The following DUS2 variants were observed in gnomAD, a reference collection of about 807,000 sequenced individuals.
DUS2 encodes tRNA-dihydrouridine(20) synthase [NAD(P)+]-like.
Under a neutral mutation model 71.3 loss-of-function variants are expected in DUS2, and 52 were observed. The ratio of observed to expected loss-of-function variants is 0.73; its 90% CI spans 0.58 to 0.92. DUS2 has a LOEUF of 0.92. Ranked by LOEUF, DUS2 falls within the 40% of genes least tolerant of loss-of-function variation. The probability of loss-of-function intolerance (pLI) is 0.00; values close to 1 mark genes in which losing one functional copy is unlikely to be tolerated. For synonymous variants in DUS2, 204 were observed against 227.8 expected, an observed-to-expected ratio of 0.90 and a Z score of 0.94; for missense variants, 558 against 622.6, an observed-to-expected ratio of 0.90 and a Z score of 1.10.
chr16:68,033,523 C>CA (rs1252902432), intron 2 of DUS2, among the ~76,000 whole-genome samples: 2 of 151,712 alleles, frequency 1.3e-5, no homozygotes, highest in Non-Finnish European at 2.9e-5. Context: ...CTTGCTCTGT[C>CA]ACCCAGGTTG....
In DUS2 at chr16:68,038,086, G is replaced by A. The variant is rs868001273; in HGVS notation, c.63G>A (p.Arg21=). The change falls in exon 3 of 17, where the codon CGG becomes CGA. Residue 21 remains arginine (R), a synonymous_variant. Transcript: ENST00000565263. ...HNKLILAPMV[R]VGTLPMRLLA... ...AGCTAATCCTGGCCCCAATGGTTCG[G>A]GTAGGGACTCTTCCAATGAGGCTGC... 1.2e-6 allele frequency: 2 copies of A among 1,613,882 alleles called. No individual in the cohort carries two copies. The highest frequency in any genetic ancestry group is 1.1e-5 in the South Asian group (1 of 91,068).
chr16:68,061,179 G>A (rs369910078), intron 8 of DUS2, 66 bp downstream of exon 8: 324 of 1,513,104 alleles, frequency 2.1e-4, no homozygotes, highest in Admixed American at 3.2e-4. Context: ...TGTCTAGAAC[G>A]CCTCCTTCCA....
chr16:68,066,382 G>C lies in DUS2; in HGVS notation c.483G>C (p.Ser161=). The C allele has an allele frequency of 6.2e-7, 1 of 1,612,940 alleles. No homozygotes were observed. The highest frequency in any genetic ancestry group is 8.5e-7 in the Non-Finnish European group (1 of 1,178,896). Residue 161 remains serine (S), a splice_region_variant and synonymous_variant, in exon 9 of 17, where the codon TCG becomes TCC. Transcript: ENST00000565263. ...CCTGCAAGATTCGCATCCTGCCATCGGTAAGGATGGTGTGTTACATATGAA... is the reference window on the plus strand; with the variant it reads ...CCTGCAAGATTCGCATCCTGCCATCCGTAAGGATGGTGTGTTACATATGAA... The part of the protein sequence containing the change: ...PVTCKIRILP[S]LEDTLSLVKR...
At chr16:68,034,902 G>A (rs1281494529) in intron 2 of DUS2, among the ~76,000 whole-genome samples, 1 of 152,180 alleles carries the variant, frequency 6.6e-6, no homozygotes, top group Non-Finnish European at 1.5e-5. Context: ...TCGGGAGGCT[G>A]AGGCAGAAGA....
chr16:68,034,153 C>T (rs1215627803), intron 2 of DUS2, among the ~76,000 whole-genome samples: 1 of 152,150 alleles, frequency 6.6e-6, no homozygotes, highest in African/African-American at 2.4e-5. Flanking sequence ...TCGGCAACCT[C>T]TGCCTCCCAG....
At position 68,066,204 on chromosome 16, in the gene DUS2, T is replaced by A. The variant is rs534042178; in HGVS notation, c.418-113T>A. ...AGACACACACATGCATTCACACATA[T>A]GCAAACTGTTCATGCCACCGGAATG... On this transcript the variant is annotated intron_variant, in intron 8 of 16. Coordinates refer to ENST00000565263, the MANE Select transcript of DUS2 (RefSeq NM_017803.5). The A allele has an allele frequency of 2.4e-5, 23 of 944,352 alleles. No individual in the cohort carries two copies. In the East Asian group the frequency reaches 5.0e-4, roughly 21 times the overall value. The allele number at this position is 944,352 out of a possible 1,614,324, so 58.5% of individuals were successfully genotyped here.
intron 10 of DUS2, among the ~76,000 whole-genome samples, chr16:68,069,170 C>T (rs921191990): frequency 6.6e-6 from 1 of 152,060 alleles, no homozygotes; most frequent in Non-Finnish European, 1.5e-5. Flanking sequence ...GGGTGGATCA[C>T]ATGAGGTCAG....
chr16:68,055,705 G>C (rs2033842423), intron 6 of DUS2, among the ~76,000 whole-genome samples: 2 of 151,958 alleles, frequency 1.3e-5, no homozygotes, highest in African/African-American at 4.8e-5. Context: ...ATCTTAGTAA[G>C]TGTTAGCTAT....
chr16:68,038,354 G>A (rs1057008962), intron 3 of DUS2, among the ~76,000 whole-genome samples: 3 of 152,138 alleles, frequency 2.0e-5, no homozygotes, highest in African/African-American at 7.2e-5. Flanking sequence ...GCACAGAAGC[G>A]TTCTGGGATA....
intron 2 of DUS2, among the ~76,000 whole-genome samples, chr16:68,035,584 G>A (rs2033505856): frequency 6.6e-6 from 1 of 151,162 alleles, no homozygotes; most frequent in Admixed American, 6.6e-5. Context: ...TAGAGACTGA[G>A]TTTATGTTGC....
intron 10 of DUS2, among the ~76,000 whole-genome samples, chr16:68,069,609 A>G (rs1010251453): frequency 3.3e-5 from 5 of 152,152 alleles, no homozygotes; most frequent in Admixed American, 1.3e-4. Context: ...TGTGGCAGCC[A>G]TGGTCCGTGC....
chr16:68,037,875 A>G (rs1051871598), intron 2 of DUS2, 131 bp from the exon 3 acceptor site: 2 of 966,714 alleles, frequency 2.1e-6, no homozygotes, highest in Non-Finnish European at 3.0e-6. Context: ...ACAATCAAAC[A>G]TAAACAACCA....
chr16:68,060,762 C>T (rs2033927494), intron 7 of DUS2, among the ~76,000 whole-genome samples: 1 of 152,044 alleles, frequency 6.6e-6, no homozygotes, highest in South Asian at 2.1e-4. Context: ...GAAGGAGAAT[C>T]ACTTGAACTG....
intron 2 of DUS2, among the ~76,000 whole-genome samples, chr16:68,035,907 T>C (rs916977875): frequency 1.3e-4 from 7 of 55,386 alleles, no homozygotes; most frequent in South Asian, 1.3e-3. Flanking sequence ...TATATATATA[T>C]ATATATATAT....
At chr16:68,029,665 T>C (rs2033409265) in intron 2 of DUS2, among the ~76,000 whole-genome samples, 1 of 152,084 alleles carries the variant, frequency 6.6e-6, no homozygotes, top group South Asian at 2.1e-4. Flanking sequence ...CAGGCTGGTC[T>C]TGAACTACTG....
chr16:68,031,122 G>A (rs2033431073), intron 2 of DUS2, among the ~76,000 whole-genome samples: 1 of 152,148 alleles, frequency 6.6e-6, no homozygotes, highest in Admixed American at 6.6e-5. Context: ...ATCTCCACCA[G>A]TGAACTGAAG....
At chr16:68,040,088 C>CT (rs559084303) in intron 3 of DUS2, among the ~76,000 whole-genome samples, 1,539 of 141,496 alleles carry the variant, frequency 0.011, 16 homozygotes, top group Middle Eastern at 0.026. Context: ...CTTTTTTTTT[C>CT]TTTTTTTTTT....
At chr16:68,072,768 C>CT (rs1229391847) in intron 12 of DUS2, among the ~76,000 whole-genome samples, 4 of 152,330 alleles carry the variant, frequency 2.6e-5, no homozygotes, top group African/African-American at 9.6e-5. Flanking sequence ...TACTGCTCTC[C>CT]TGCCCTACCT....
At chr16:68,040,082 T>A (rs868804889) in intron 3 of DUS2, among the ~76,000 whole-genome samples, 15 of 151,626 alleles carry the variant, frequency 9.9e-5, no homozygotes, top group African/African-American at 2.9e-4. Flanking sequence ...AGGAATCTTT[T>A]TTTTTCTTTT....
Sources: gnomAD v4.1 joint callset for allele counts (sites outside exome capture counted in the v4.1 genomes callset) on GRCh38, gnomAD v4.1.1 for gene constraint, MANE v1.5 for transcripts, NCBI Gene and HGNC (gene_info 2026-07-23, HGNC 2026-07-21) for gene names.